RFX3: variants seen among roughly 807,000 people sequenced by gnomAD.
RFX3 encodes regulatory factor X3, also known as transcription factor RFX3.
In RFX3, 14 loss-of-function variants were observed where a neutral mutation model predicts 98.6. That is an observed-to-expected ratio of 0.14 (90% CI 0.09 to 0.22). The LOEUF (loss-of-function observed/expected upper bound fraction) is 0.22, where lower values mean the gene tolerates loss of function less well. RFX3 is among the 10% of genes least tolerant of loss of function. The probability of loss-of-function intolerance (pLI) is 1.00; values close to 1 mark genes in which losing one functional copy is unlikely to be tolerated. For synonymous variants in RFX3, 383 were observed against 328.4 expected, an observed-to-expected ratio of 1.17 and a Z score of -1.80; for missense variants, 639 against 926.9, an observed-to-expected ratio of 0.69 and a Z score of 4.03.
chr9:3,464,655 G>A (rs996835098), intron 1 of RFX3, among the ~76,000 whole-genome samples: 1 of 152,122 alleles, frequency 6.6e-6, no homozygotes, highest in Non-Finnish European at 1.5e-5. Context: ...AAACTTGTGG[G>A]GGTGATGGAA....
chr9:3,470,681 A>G (rs1337416808), intron 1 of RFX3, among the ~76,000 whole-genome samples: 1 of 152,100 alleles, frequency 6.6e-6, no homozygotes, highest in African/African-American at 2.4e-5. Context: ...CTTCTCTGAC[A>G]TGGCTTTACA....
chr9:3,422,445 G>C (rs935547968), intron 1 of RFX3, among the ~76,000 whole-genome samples: 7 of 152,182 alleles, frequency 4.6e-5, no homozygotes, highest in African/African-American at 1.7e-4. Flanking sequence ...CCCTGGCATG[G>C]GGTAGATCTG....
rs566161775 is a variant in RFX3 at position 3,224,209 on chromosome 9, C to T, written c.*833G>A. On this transcript the variant is annotated 3_prime_UTR_variant, in exon 17 of 17. Transcript: ENST00000617270. ...AAGTCTTTTTTTTCTGCTTCAGTAT[C>T]TAACTATAACAGCCCCCACTTAACA... 6.6e-6 allele frequency: 1 copy of T among 151,718 alleles called. No individual in the cohort carries two copies. Among genetic ancestry groups the T allele is most frequent in the East Asian group, 1.9e-4 (1 of 5,160 alleles). The allele number at this position is 151,718 out of a possible 1,614,324, so 9.4% of individuals were successfully genotyped here.
At chr9:3,379,304 G>C (rs1838916027) in intron 2 of RFX3, among the ~76,000 whole-genome samples, 1 of 152,164 alleles carries the variant, frequency 6.6e-6, no homozygotes, top group Admixed American at 6.6e-5. Flanking sequence ...AATCAAGAAG[G>C]CTTCCCTGGG....
chr9:3,414,128 C>T (rs141815404), intron 1 of RFX3, among the ~76,000 whole-genome samples: 56 of 152,154 alleles, frequency 3.7e-4, no homozygotes, highest in African/African-American at 1.3e-3. Context: ...ACACTGAGTT[C>T]CAGAAAGATC....
chr9:3,325,684 G>A (rs1366802092), intron 4 of RFX3, among the ~76,000 whole-genome samples: 3 of 152,070 alleles, frequency 2.0e-5, no homozygotes, highest in African/African-American at 4.8e-5. Context: ...TTTAAAGCAA[G>A]TTGGTAATTA....
chr9:3,407,142 C>T (rs1255486107), intron 1 of RFX3, among the ~76,000 whole-genome samples: 2 of 152,088 alleles, frequency 1.3e-5, no homozygotes, highest in Non-Finnish European at 2.9e-5. Context: ...AGTAATTAGC[C>T]TAATAGTAAT....
chr9:3,323,795 T>A (rs1164833157), intron 4 of RFX3, among the ~76,000 whole-genome samples: 1 of 152,250 alleles, frequency 6.6e-6, no homozygotes, highest in East Asian at 1.9e-4. Context: ...GATGCTGTGA[T>A]TCTCTTTGTC....
intron 1 of RFX3, among the ~76,000 whole-genome samples, chr9:3,504,265 AC>A (rs1816431443): frequency 7.7e-6 from 1 of 130,082 alleles, no homozygotes; most frequent in Non-Finnish European, 1.5e-5. Flanking sequence ...TATAATATAT[AC>A]TATATTGTAT....
At chr9:3,432,917 A>G (rs1844779021) in intron 1 of RFX3, among the ~76,000 whole-genome samples, 1 of 152,156 alleles carries the variant, frequency 6.6e-6, no homozygotes, top group South Asian at 2.1e-4. Context: ...ATAAAGCAAA[A>G]AAGTCAGATA....
At chr9:3,431,889 A>G (rs1188609879) in intron 1 of RFX3, among the ~76,000 whole-genome samples, 2 of 152,214 alleles carry the variant, frequency 1.3e-5, no homozygotes, top group African/African-American at 4.8e-5. Flanking sequence ...ATTCTGGGGA[A>G]AAATGCCACA....
intron 7 of RFX3, among the ~76,000 whole-genome samples, chr9:3,279,292 G>C (rs1374817042): frequency 6.6e-6 from 1 of 151,644 alleles, no homozygotes; most frequent in Non-Finnish European, 1.5e-5. Flanking sequence ...TTCAGCTATG[G>C]AATTGTGTCT....
At chr9:3,421,058 A>C in intron 1 of RFX3, 6 of 316,354 alleles carry the variant, frequency 1.9e-5, no homozygotes, top group Non-Finnish European at 2.3e-5. Flanking sequence ...CAAATAATCA[A>C]TACAGTATCT....
At chr9:3,518,699 A>C (rs1711935706) in intron 1 of RFX3, among the ~76,000 whole-genome samples, 1 of 152,200 alleles carries the variant, frequency 6.6e-6, no homozygotes, top group Non-Finnish European at 1.5e-5. Flanking sequence ...TTAAGCAGCC[A>C]ACTTGAAAAT....
chr9:3,327,528 CTTT>C (rs1157672094), intron 4 of RFX3, among the ~76,000 whole-genome samples: 3 of 151,712 alleles, frequency 2.0e-5, no homozygotes, highest in African/African-American at 7.3e-5. Context: ...GGTGAGATCA[CTTT>C]GTGATTTTTC....
Position 3,266,269 on chromosome 9 carries a change from C to T in RFX3, c.1394G>A (p.Ser465Asn). ...LTQAIRNFAK[S>N]LEGWLSNAMN... ...GGCATTGGAAAGCCAACCTTCAAGG[C>T]TTTTTGCAAAATTTCGAATGGCTTG... Residue 465 changes from serine (S) to asparagine (N), a missense_variant, in exon 12 of 17, where the codon AGC becomes AAC. By Grantham distance (46) the Ser-to-Asn change is conservative. Transcript: ENST00000617270. 1 of 1,611,544 alleles carries T rather than the reference C, an allele frequency of 6.2e-7. No individual in the cohort carries two copies.
At chr9:3,446,179 C>T (rs1470949389) in intron 1 of RFX3, among the ~76,000 whole-genome samples, 1 of 152,010 alleles carries the variant, frequency 6.6e-6, no homozygotes, top group Non-Finnish European at 1.5e-5. Flanking sequence ...CAAATTGATA[C>T]ACAAACGAGT....
In RFX3 at chr9:3,237,791, A is replaced by T. The variant is rs74999231; in HGVS notation, c.1969-8902T>A. On this transcript the variant is annotated intron_variant, in intron 15 of 16. Coordinates refer to ENST00000617270, the MANE Select transcript of RFX3 (RefSeq NM_001282116.2). The stretch of plus-strand genomic sequence containing the variant: ...AAAGATATTAAATGGGAAATATAGA[A>T]TTTAAATACAGGAGTGGAGCACAGC... Among the ~76,000 whole-genome samples, 1,357 of 152,340 alleles carry T rather than the reference A, an allele frequency of 8.9e-3. 16 individuals are homozygous for T. The highest frequency in any genetic ancestry group is 0.031 in the African/African-American group (1,293 of 41,562).
chr9:3,238,095 A>T (rs1053117942), intron 15 of RFX3, among the ~76,000 whole-genome samples: 3 of 152,174 alleles, frequency 2.0e-5, no homozygotes, highest in African/African-American at 7.2e-5. Context: ...TTGCAGAGGG[A>T]CCTAGAACAG....
Sources: gnomAD v4.1 joint callset for allele counts (sites outside exome capture counted in the v4.1 genomes callset) on GRCh38, gnomAD v4.1.1 for gene constraint, MANE v1.5 for transcripts, NCBI Gene and HGNC (gene_info 2026-07-23, HGNC 2026-07-21) for gene names.